HACD3: variants seen among roughly 807,000 people sequenced by gnomAD.
HACD3 encodes the protein 3-hydroxyacyl-CoA dehydratase 3, also known as very-long-chain (3R)-3-hydroxyacyl-CoA dehydratase 3.
A neutral mutation model predicts 55.2 loss-of-function variants in HACD3; 30 were observed. The ratio of observed to expected loss-of-function variants is 0.54; its 90% confidence interval spans 0.41 to 0.74. The LOEUF is 0.74. Ranked by LOEUF, HACD3 falls within the 30% of genes least tolerant of loss-of-function variation. The probability of loss-of-function intolerance (pLI) is 0.00; values close to 1 mark genes in which losing one functional copy is unlikely to be tolerated. For synonymous variants in HACD3, 141 were observed against 151.7 expected (o/e 0.93, Z 0.52); for missense variants, 363 against 440.1 (o/e 0.82, Z 1.57).
rs547080662 is a variant in HACD3, at chr15:65,533,472, G to A, written c.87+2754G>A. The stretch of plus-strand genomic sequence containing the variant: ...TTGGCCAAAGGGTGTTTGGTATTTC[G>A]TGAGTGGCATAGCCACTATGTATTT... On this transcript the variant is annotated intron_variant, in intron 1 of 10. Transcript: ENST00000261875. Among the ~76,000 whole-genome samples, 5 of 152,258 alleles carry A rather than the reference G, an allele frequency of 3.3e-5. No individual in the cohort carries two copies. In the East Asian group the frequency reaches 7.7e-4, roughly 23 times the overall value.
At chr15:65,567,753 G>A (rs2072306525) in intron 7 of HACD3, among the ~76,000 whole-genome samples, 1 of 152,072 alleles carries the variant, frequency 6.6e-6, no homozygotes, top group Admixed American at 6.6e-5. Context: ...CAATGTGGAT[G>A]AACCTTAAGG....
chr15:65,569,907 T>G (rs1007986974), intron 7 of HACD3, among the ~76,000 whole-genome samples, 184 bp from the exon 8 acceptor site: 1 of 152,240 alleles, frequency 6.6e-6, no homozygotes, highest in African/African-American at 2.4e-5. Flanking sequence ...ATACTGTACC[T>G]GTCTAGTCAC....
At chr15:65,534,586 G>A (rs1259016062) in intron 1 of HACD3, among the ~76,000 whole-genome samples, 2 of 152,218 alleles carry the variant, frequency 1.3e-5, no homozygotes, top group Non-Finnish European at 2.9e-5. Flanking sequence ...TGGGTGTTGT[G>A]AGCAGAGAAC....
At chr15:65,544,206 C>T (rs778453410) in intron 1 of HACD3, among the ~76,000 whole-genome samples, 1 of 151,924 alleles carries the variant, frequency 6.6e-6, no homozygotes, top group Non-Finnish European at 1.5e-5. Context: ...AAAGAAAATC[C>T]GTGAGCCCAT....
At chr15:65,539,599 C>G (rs1181090473) in intron 1 of HACD3, among the ~76,000 whole-genome samples, 1 of 152,032 alleles carries the variant, frequency 6.6e-6, no homozygotes, top group Non-Finnish European at 1.5e-5. Flanking sequence ...TCTTGTCAAG[C>G]TGAAGTTGTA....
At chr15:65,554,422 TA>T (rs1403538634) in intron 2 of HACD3, among the ~76,000 whole-genome samples, 1 of 152,178 alleles carries the variant, frequency 6.6e-6, no homozygotes, top group African/African-American at 2.4e-5. Context: ...CCACACATTT[TA>T]ACAGGACCCA....
intron 1 of HACD3, among the ~76,000 whole-genome samples, chr15:65,538,734 A>C (rs1467538657): frequency 6.6e-6 from 1 of 152,228 alleles, no homozygotes; most frequent in Admixed American, 6.5e-5. Context: ...TAGTGAAGGA[A>C]AGACTCAATC....
chr15:65,542,167 T>C (rs970647953), intron 1 of HACD3, among the ~76,000 whole-genome samples: 1 of 137,544 alleles, frequency 7.3e-6, no homozygotes, highest in Non-Finnish European at 1.5e-5. Context: ...AGGCAGAGGT[T>C]GCAGTGAGCT....
At chr15:65,545,964 A>T (rs2072073058) in intron 1 of HACD3, among the ~76,000 whole-genome samples, 1 of 152,224 alleles carries the variant, frequency 6.6e-6, no homozygotes, top group Non-Finnish European at 1.5e-5. Flanking sequence ...CTCTTAGACC[A>T]CTTGCTCTTG....
chr15:65,564,053 C>T lies in HACD3; in HGVS notation c.533-162C>T, dbSNP rs143918785. Among the ~76,000 whole-genome samples, 23 of 152,040 alleles carry T rather than the reference C, an allele frequency of 1.5e-4. 2 individuals are homozygous for T. The highest frequency in any genetic ancestry group is 4.8e-4 in the African/African-American group (20 of 41,454). ...AGCTTACTATTCATGACCCCATTGGCCTGCACCCTTCCTGCTTAGTTAAGT... is the reference window on the plus strand; with the variant it reads ...AGCTTACTATTCATGACCCCATTGGTCTGCACCCTTCCTGCTTAGTTAAGT... On this transcript the variant is annotated intron_variant, in intron 6 of 10. Transcript: ENST00000261875.
At position 65,554,227 on chromosome 15, in the gene HACD3, C is replaced by T. The variant is rs1596211518; in HGVS notation, c.131-660C>T. Among the ~76,000 whole-genome samples, 3 of 152,248 alleles carry T rather than the reference C, an allele frequency of 2.0e-5. No individual in the cohort carries two copies. The South Asian group carries it at 6.2e-4, about 32-fold the overall frequency. On this transcript the variant is annotated intron_variant, in intron 2 of 10. Transcript: ENST00000261875. ...TAATTGTGAAAGTTAAATTTATATC[C>T]GTGTGGCTCCTTTGGCATTGCTTTC...
chr15:65,571,627 T>A lies in HACD3; in HGVS notation c.853T>A (p.Leu285Ile), dbSNP rs747573828. 1 of 1,613,234 alleles carries A rather than the reference T, an allele frequency of 6.2e-7. No homozygotes were observed. The highest frequency in any genetic ancestry group is 1.1e-5 in the South Asian group (1 of 91,030). The change falls in exon 9 of 11, where the codon TTA becomes ATA. Residue 285 changes from leucine to isoleucine, a missense_variant. Physicochemically the swap from Leu to Ile is conservative, Grantham distance 5. Transcript: ENST00000261875. The part of the protein sequence containing the change: ...TWLRYTLWIP[L>I]YPLGCLAEAV... ...GCTTCGTTACACTCTGTGGATTCCC[T>A]TATATCCACTGGGATGTTTGGCGGA...
At chr15:65,550,498 G>A (rs1316954628) in intron 1 of HACD3, among the ~76,000 whole-genome samples, 1 of 152,178 alleles carries the variant, frequency 6.6e-6, no homozygotes, top group East Asian at 1.9e-4. Context: ...TTAAATACAT[G>A]GATTCAGTAG....
At chr15:65,558,113 T>G (rs922955773) in intron 4 of HACD3, among the ~76,000 whole-genome samples, 1 of 152,164 alleles carries the variant, frequency 6.6e-6, no homozygotes, top group East Asian at 1.9e-4. Flanking sequence ...GTATGCTCAT[T>G]GCTACCAGGT....
intron 4 of HACD3, among the ~76,000 whole-genome samples, 178 bp downstream of exon 4, chr15:65,557,081 C>A (rs138596972): frequency 1.3e-5 from 2 of 152,294 alleles, no homozygotes; most frequent in East Asian, 3.9e-4. Flanking sequence ...GACTTTCCTT[C>A]GGTTGAAATC....
chr15:65,561,456 ACT>A (rs987893579), intron 5 of HACD3, among the ~76,000 whole-genome samples: 9 of 150,594 alleles, frequency 6.0e-5, no homozygotes, highest in African/African-American at 2.2e-4. Flanking sequence ...ACAGAGCAAG[ACT>A]CTGTCTCAAA....
chr15:65,560,082 G>T (rs1189967308), intron 5 of HACD3, among the ~76,000 whole-genome samples: 2 of 150,058 alleles, frequency 1.3e-5, no homozygotes, highest in African/African-American at 2.5e-5. Flanking sequence ...TTGCTATGCT[G>T]TCCAGGCTGA....
intron 1 of HACD3, among the ~76,000 whole-genome samples, chr15:65,548,498 G>A (rs2072098383): frequency 6.8e-6 from 1 of 146,888 alleles, no homozygotes; most frequent in African/African-American, 2.5e-5. Flanking sequence ...GGGTGACAGA[G>A]GGAGATTCTG....
chr15:65,540,435 T>G (rs528406338), intron 1 of HACD3, among the ~76,000 whole-genome samples: 1 of 152,236 alleles, frequency 6.6e-6, no homozygotes, highest in Non-Finnish European at 1.5e-5. Context: ...TAGAGGCTAT[T>G]TTAAATAGAG....
Sources: gnomAD v4.1 joint callset for allele counts (sites outside exome capture counted in the v4.1 genomes callset) on GRCh38, gnomAD v4.1.1 for gene constraint, MANE v1.5 for transcripts, NCBI Gene and HGNC (gene_info 2026-07-23, HGNC 2026-07-21) for gene names.